SCRN3: variants seen among roughly 807,000 people sequenced by gnomAD.
The protein encoded by SCRN3 is secernin 3.
A neutral mutation model predicts 43.1 loss-of-function variants in SCRN3; 39 were observed. The ratio of observed to expected loss-of-function variants is 0.91; its 90% CI spans 0.70 to 1.18. The LOEUF (loss-of-function observed/expected upper bound fraction) is 1.18, where lower values mean the gene tolerates loss of function less well. SCRN3 is among the 50% of genes most tolerant of loss of function. The pLI is 0.00. For synonymous variants in SCRN3, 147 were observed against 163.1 expected, an observed-to-expected ratio of 0.90 and a Z score of 0.75; for missense variants, 484 against 498.0, an observed-to-expected ratio of 0.97 and a Z score of 0.27.
At chr2:174,400,622 G>A (rs1685476451) in intron 3 of SCRN3, among the ~76,000 whole-genome samples, 2 of 152,146 alleles carry the variant, frequency 1.3e-5, no homozygotes, top group Admixed American at 1.3e-4. Context: ...TTGGGAGAAG[G>A]GAAGAAGTAG....
intron 1 of SCRN3, chr2:174,396,913 C>A: frequency 5.5e-6 from 1 of 181,508 alleles, no homozygotes; most frequent in Non-Finnish European, 1.1e-5. Flanking sequence ...GTGCAAAACA[C>A]TTTACGTGTT....
At chr2:174,415,602 G>A (rs762223786) in intron 5 of SCRN3, among the ~76,000 whole-genome samples, 3 of 152,090 alleles carry the variant, frequency 2.0e-5, no homozygotes, top group Non-Finnish European at 2.9e-5. Flanking sequence ...TAATAAAAAT[G>A]TGATTAATAT....
intron 5 of SCRN3, among the ~76,000 whole-genome samples, chr2:174,415,314 T>C (rs1686065706): frequency 6.6e-6 from 1 of 152,130 alleles, no homozygotes; most frequent in Non-Finnish European, 1.5e-5. Context: ...ATACACCTAC[T>C]ATGTACCCAC....
downstream of SCRN3, among the ~76,000 whole-genome samples, chr2:174,429,815 C>G (rs1686598760): frequency 6.6e-6 from 1 of 152,116 alleles, no homozygotes; most frequent in South Asian, 2.1e-4. Context: ...AACCACTGAT[C>G]TTTTTACTGT....
intron 5 of SCRN3, among the ~76,000 whole-genome samples, chr2:174,414,063 T>C (rs956660857): frequency 2.0e-5 from 3 of 152,192 alleles, no homozygotes; most frequent in Non-Finnish European, 2.9e-5. Context: ...CTCCCAACTT[T>C]CACCTTTCCT....
At chr2:174,425,211 T>C (rs1428166537) in intron 7 of SCRN3, among the ~76,000 whole-genome samples, 1 of 152,176 alleles carries the variant, frequency 6.6e-6, no homozygotes, top group Non-Finnish European at 1.5e-5. Flanking sequence ...AATGTAAGCA[T>C]TATATAAGAG....
At chr2:174,397,207 G>A (rs1041365530) in intron 1 of SCRN3, 5 of 971,768 alleles carry the variant, frequency 5.1e-6, no homozygotes, top group Non-Finnish European at 1.2e-6. Context: ...TTCTTTTTAA[G>A]GAAACATTTA....
At chr2:174,417,457 G>A (rs999460786) in intron 5 of SCRN3, among the ~76,000 whole-genome samples, 2 of 152,048 alleles carry the variant, frequency 1.3e-5, no homozygotes, top group Non-Finnish European at 2.9e-5. Context: ...GCAGTAGCAT[G>A]ATCTCAGCTC....
At chr2:174,427,604 C>A in intron 7 of SCRN3, 109 bp from the exon 8 acceptor site, 1 of 547,618 alleles carries the variant, frequency 1.8e-6, no homozygotes, top group South Asian at 5.8e-5. Flanking sequence ...GGAACCAAAC[C>A]ACAATCAGAA....
At chr2:174,421,418 G>T (rs569163966) in intron 5 of SCRN3, among the ~76,000 whole-genome samples, 1 of 152,244 alleles carries the variant, frequency 6.6e-6, no homozygotes, top group Admixed American at 6.5e-5. Context: ...CTAACCAATG[G>T]CCACAGCTGC....
chr2:174,397,159 A>G (rs1344208122), intron 1 of SCRN3: 1 of 978,550 alleles, frequency 1.0e-6, no homozygotes, highest in East Asian at 1.1e-4. Context: ...AAAACCCTTA[A>G]GAGTTTCAGT....
chr2:174,413,475 A>C (rs1685996586), intron 5 of SCRN3, among the ~76,000 whole-genome samples: 1 of 151,946 alleles, frequency 6.6e-6, no homozygotes. Flanking sequence ...ATGCTTAATC[A>C]GCAATCAGAT....
chr2:174,424,333 G>C, intron 6 of SCRN3, 142 bp from the exon 7 acceptor site: 1 of 617,150 alleles, frequency 1.6e-6, no homozygotes, highest in Non-Finnish European at 2.8e-6. Flanking sequence ...ACAGGCATGG[G>C]TATAACTAAT....
At position 174,424,493 on chromosome 2, in the gene SCRN3, C is replaced by G; in HGVS notation, c.936C>G (p.Phe312Leu). 1 of 1,605,420 alleles carries G rather than the reference C, an allele frequency of 6.2e-7. No individual in the cohort carries two copies. Among genetic ancestry groups the G allele is most frequent in the African/African-American group, 1.3e-5 (1 of 74,740 alleles). ...PDPERSVFKP[F>L]IFVPHISQLL... ...TTTCTAGATCTGTTTTTAAGCCTTT[C>G]ATATTTGTGCCACATATTTCACAAC... The change falls in exon 7 of 8, where the codon TTC (phenylalanine) becomes TTG (leucine). Residue 312 changes from phenylalanine to leucine, a missense_variant. Phe to Leu is a conservative substitution (Grantham distance 22). Coordinates refer to ENST00000272732, the MANE Select transcript of SCRN3 (RefSeq NM_024583.5).
Position 174,404,238 on chromosome 2 carries a change from C to T in SCRN3, c.677C>T (p.Ser226Phe), listed in dbSNP as rs867652339. 6.2e-7 allele frequency: 1 copy of T among 1,613,802 alleles called. No individual in the cohort carries two copies. Among genetic ancestry groups the T allele is most frequent in the Non-Finnish European group, 8.5e-7 (1 of 1,179,832 alleles). The change falls in exon 5 of 8, where the codon TCC (serine) becomes TTC (phenylalanine). Residue 226 changes from serine (S) to phenylalanine (F), a missense_variant. Physicochemically the swap from Ser to Phe is radical, Grantham distance 155. Transcript: ENST00000272732. The stretch of plus-strand genomic sequence containing the variant: ...GAGTTTGATTTTGCTGCAGCATATT[C>T]CTATCTTGACACAGCCAAGATGATG... ...KKEFDFAAAY[S>F]YLDTAKMMTS...
rs1405252426 is a variant in SCRN3, at chr2:174,429,066, C to A, written c.*1171C>A. ...CATAAATACCATCGTCTGCCTGATA[C>A]TGCTCTTGTCTAATAGAGGGTTGAC... On this transcript the variant is annotated 3_prime_UTR_variant, in exon 8 of 8. Transcript: ENST00000272732. The A allele has an allele frequency of 1.3e-5, 2 of 152,180 alleles. No homozygotes were observed. Among genetic ancestry groups the A allele is most frequent in the East Asian group, 3.8e-4 (2 of 5,196 alleles). The allele number at this position is 152,180 out of a possible 1,614,324, so 9.4% of individuals were successfully genotyped here.
In SCRN3 at chr2:174,398,567, A is replaced by G. The variant is rs749795749; in HGVS notation, c.159+125A>G. 1.7e-4 allele frequency: 120 copies of G among 719,412 alleles called. 1 individual carries two copies. Among genetic ancestry groups the G allele is most frequent in the Admixed American group, 2.6e-4 (8 of 30,804 alleles). The allele number at this position is 719,412 out of a possible 1,614,324, so 44.6% of individuals were successfully genotyped here. A position where few individuals can be genotyped will look rare whatever the true frequency, so the allele number is the denominator to read the frequency against. On this transcript the variant is annotated intron_variant, in intron 2 of 7. Transcript: ENST00000272732. ...TGAGGAGTTTACATTTGAAAAATAA[A>G]TGAGTCAGAAATAAACTGTGATCTT...
intron 5 of SCRN3, among the ~76,000 whole-genome samples, chr2:174,419,416 G>T (rs1321205791): frequency 6.6e-6 from 1 of 152,214 alleles, no homozygotes; most frequent in Non-Finnish European, 1.5e-5. Context: ...GTCTTGCACT[G>T]TCGCCCAGGC....
At chr2:174,404,608 C>A (rs113590569) in intron 5 of SCRN3, among the ~76,000 whole-genome samples, 19,236 of 101,558 alleles carry the variant, frequency 0.19, 2,303 homozygotes, top group Middle Eastern at 0.35. Context: ...CCTCCCCCCT[C>A]CCCCCACCCC....
Sources: allele counts gnomAD v4.1 joint callset (sites outside exome capture counted in the v4.1 genomes callset), GRCh38; gene constraint gnomAD v4.1.1; transcripts MANE v1.5; gene names NCBI Gene and HGNC (gene_info 2026-07-23, HGNC 2026-07-21).